The following ZNF625 variants were observed in gnomAD, a reference collection of about 807,000 sequenced individuals.
ZNF625 encodes the protein zinc finger protein 625.
In ZNF625, 8 loss-of-function variants were observed where a neutral mutation model predicts 11.1. The observed-to-expected ratio is 0.72, with a 90% CI of 0.42 to 1.30. The LOEUF (loss-of-function observed/expected upper bound fraction) is 1.30. Ranked by LOEUF, ZNF625 falls within the 50% of genes most tolerant of loss-of-function variation. ZNF625 has a pLI of 0.01. For synonymous variants in ZNF625, 145 were observed against 153.4 expected (o/e 0.95, Z 0.41); for missense variants, 349 against 447.6 (o/e 0.78, Z 1.99).
chr19:12,156,508 C>G, intron 1 of ZNF625, 48 bp downstream of exon 1: 1 of 1,401,630 alleles, frequency 7.1e-7, no homozygotes, highest in Non-Finnish European at 9.3e-7. Flanking sequence ...CGAGCCGGTT[C>G]CTCCCGGCCC....
chr19:12,145,409 C>T lies in ZNF625; in HGVS notation c.1007G>A (p.Cys336Tyr). 8.7e-6 allele frequency: 14 copies of T among 1,614,176 alleles called. 1 individual carries two copies. The Middle Eastern group carries it at 2.3e-3, about 266-fold the overall frequency. Reference protein sequence around the residue: ...TGEKPYECKQCGKAFGCASSV... With the variant: ...TGEKPYECKQYGKAFGCASSV... ...CGAGGCACATCCAAAGGCTTTACCA[C>T]ATTGTTTACATTCATAGGGTTTCTC... The change falls in exon 4 of 4, where the codon TGT (cysteine) becomes TAT (tyrosine). Residue 336 changes from cysteine to tyrosine, a missense_variant. Physicochemically the swap from Cys to Tyr is radical, Grantham distance 194 (BLOSUM62 -2). Transcript: ENST00000439556.
intron 1 of ZNF625, among the ~76,000 whole-genome samples, chr19:12,148,443 G>T (rs540245974): frequency 6.6e-6 from 1 of 151,958 alleles, no homozygotes; most frequent in African/African-American, 2.4e-5. Flanking sequence ...AAAACTCCAG[G>T]GTGTCCAGTC....
chr19:12,151,839 C>A (rs1221263679), intron 1 of ZNF625, among the ~76,000 whole-genome samples: 1 of 152,080 alleles, frequency 6.6e-6, no homozygotes, highest in Non-Finnish European at 1.5e-5. Flanking sequence ...TTCATTGTGT[C>A]TTTCAAAACA....
In ZNF625 at chr19:12,145,535, T is replaced by C. The variant is rs1976856365; in HGVS notation, c.881A>G (p.Glu294Gly). Reference protein sequence around the residue: ...FVSFNSVRYHERTHTGEKPYE... With the variant: ...FVSFNSVRYHGRTHTGEKPYE... The stretch of plus-strand genomic sequence containing the variant: ...GGGCTTCTCTCCAGTGTGAGTTCTT[T>C]CATGATATCGAACGGAATTGAAAGA... Residue 294 changes from glutamate (E) to glycine (G), a missense_variant, in exon 4 of 4, where the codon GAA (glutamate) becomes GGA (glycine). Glu to Gly is a moderately conservative substitution (Grantham distance 98). Transcript: ENST00000439556. 6.2e-7 allele frequency: 1 copy of C among 1,607,742 alleles called. No individual in the cohort carries two copies.
intron 1 of ZNF625, among the ~76,000 whole-genome samples, chr19:12,149,587 T>C (rs1191137007): frequency 6.6e-6 from 1 of 152,098 alleles, no homozygotes; most frequent in African/African-American, 2.4e-5. Flanking sequence ...TTTAAGTTTT[T>C]TACTTTATAA....
rs1330946632 is a variant in ZNF625 at position 12,147,737 on chromosome 19, A to G, written c.69T>C (p.Pro23=). ...FTQEEWALLD[P]SQKNLYRDVM... is the part of the protein sequence containing the mutation. ...CATCTCTGTAGAGATTCTTCTGGGA[A>G]GGATCCAGCAAAGCCCACTCCTCCT... is the stretch of plus-strand genomic sequence containing the variant. The change falls in exon 2 of 4, where the codon CCT becomes CCC. Residue 23 remains proline (P), a synonymous_variant. Transcript: ENST00000439556. The G allele has an allele frequency of 1.2e-6, 2 of 1,614,140 alleles. No individual in the cohort carries two copies. Among genetic ancestry groups the G allele is most frequent in the South Asian group, 1.1e-5 (1 of 91,082 alleles).
intron 1 of ZNF625, 121 bp downstream of exon 1, chr19:12,156,435 G>C (rs779532642): frequency 8.4e-5 from 66 of 783,850 alleles, no homozygotes; most frequent in Admixed American, 8.0e-4. Context: ...GCTACGCCAG[G>C]GGGACTCCGC....
intron 1 of ZNF625, among the ~76,000 whole-genome samples, chr19:12,149,243 C>G (rs1976920494): frequency 6.9e-6 from 1 of 145,426 alleles, no homozygotes. Flanking sequence ...TGAGATCTCA[C>G]CACTGCACTC....
At chr19:12,146,969 G>GCTTTTTTTTTTTTTTTTTTT (rs1568388597) in intron 3 of ZNF625, among the ~76,000 whole-genome samples, 1 of 126,018 alleles carries the variant, frequency 7.9e-6, no homozygotes, top group Non-Finnish European at 1.7e-5. Context: ...TGTTTTTAGA[G>GCTTTTTTTTTTTTTTTTTTT]ATTTTTTTTT....
chr19:12,147,005 C>CT (rs1482328458), intron 3 of ZNF625, among the ~76,000 whole-genome samples: 3 of 117,822 alleles, frequency 2.5e-5, no homozygotes, highest in Admixed American at 8.1e-5. Flanking sequence ...CTCGCTCAGT[C>CT]GCCCAGGATG....
At chr19:12,151,094 CTT>C (rs35215456) in intron 1 of ZNF625, among the ~76,000 whole-genome samples, 2 of 146,422 alleles carry the variant, frequency 1.4e-5, no homozygotes, top group Admixed American at 6.9e-5. Flanking sequence ...TTTATTTCTT[CTT>C]TTTTTTTTTA....
intron 3 of ZNF625, among the ~76,000 whole-genome samples, chr19:12,146,963 T>C (rs969832688): frequency 6.7e-6 from 1 of 148,774 alleles, no homozygotes; most frequent in African/African-American, 2.5e-5. Context: ...AATATATGTT[T>C]TTAGAGATTT....
intron 1 of ZNF625, among the ~76,000 whole-genome samples, chr19:12,148,816 G>T (rs2145610592): frequency 6.6e-6 from 1 of 151,334 alleles, no homozygotes; most frequent in South Asian, 2.1e-4. Context: ...TAGAGACAGG[G>T]TTTCACCGTC....
intron 1 of ZNF625, among the ~76,000 whole-genome samples, chr19:12,152,435 C>T (rs1361993444): frequency 2.6e-5 from 4 of 152,154 alleles, no homozygotes; most frequent in Non-Finnish European, 2.9e-5. Flanking sequence ...GCTCTCACCT[C>T]TGAAAATCCA....
chr19:12,153,757 T>A (rs1032985466), intron 1 of ZNF625, among the ~76,000 whole-genome samples: 3 of 150,552 alleles, frequency 2.0e-5, no homozygotes, highest in African/African-American at 4.9e-5. Flanking sequence ...GTGTACAAAC[T>A]GAGGCAGAAA....
At position 12,156,614 on chromosome 19, in the gene ZNF625, T is replaced by C; in HGVS notation, c.-56A>G. ...TCCACGGATCCCTCTAACAGTCCAGTCACAGTGCGGGCGATGGAGCGACAG... is the reference window on the plus strand; with the variant it reads ...TCCACGGATCCCTCTAACAGTCCAGCCACAGTGCGGGCGATGGAGCGACAG... On this transcript the variant is annotated 5_prime_UTR_variant, in exon 1 of 4. Transcript: ENST00000439556. 1.6e-6 allele frequency: 2 copies of C among 1,273,464 alleles called. No individual in the cohort carries two copies. Among genetic ancestry groups the C allele is most frequent in the African/African-American group, 1.5e-5 (1 of 65,248 alleles). 78.9% of individuals were successfully genotyped at this position (1,273,464 alleles called of 1,614,324 possible).
intron 3 of ZNF625, among the ~76,000 whole-genome samples, chr19:12,146,678 C>T (rs1319728790): frequency 6.6e-6 from 1 of 152,176 alleles, no homozygotes; most frequent in Non-Finnish European, 1.5e-5. Context: ...GCAATCTGCC[C>T]ACCTCAGCCT....
intron 1 of ZNF625, 59 bp downstream of exon 1, chr19:12,156,497 T>C: frequency 7.3e-7 from 1 of 1,375,910 alleles, no homozygotes; most frequent in Non-Finnish European, 9.4e-7. Flanking sequence ...TAGAGCCGGT[T>C]CGAGCCGGTT....
At chr19:12,148,300 G>T (rs376493112) in intron 1 of ZNF625, among the ~76,000 whole-genome samples, 18 of 152,012 alleles carry the variant, frequency 1.2e-4, no homozygotes, top group African/African-American at 4.3e-4. Flanking sequence ...CAATCTGACT[G>T]ATAAGAGTCA....
Sources: gnomAD v4.1 joint callset for allele counts (sites outside exome capture counted in the v4.1 genomes callset) on GRCh38, gnomAD v4.1.1 for gene constraint, MANE v1.5 for transcripts, NCBI Gene and HGNC (gene_info 2026-07-23, HGNC 2026-07-21) for gene names.